The following ARID4B variants were observed in gnomAD, a reference collection of about 807,000 sequenced individuals.
The protein encoded by ARID4B is AT-rich interactive domain-containing protein 4B.
Under a neutral mutation model 147.5 loss-of-function variants are expected in ARID4B, and 26 were observed. That is an observed-to-expected ratio of 0.18 (90% CI 0.13 to 0.24). The LOEUF is 0.24. Ranked by LOEUF, ARID4B falls within the 10% of genes least tolerant of loss-of-function variation. The pLI, the probability that ARID4B is intolerant of heterozygous loss-of-function variation, is 1.00. For synonymous variants in ARID4B, 512 were observed against 507.9 expected (o/e 1.01, Z -0.11); for missense variants, 1,179 against 1,511.5 (o/e 0.78, Z 3.65).
At chr1:235,217,532 T>C (rs1029569054) in intron 16 of ARID4B, among the ~76,000 whole-genome samples, 3 of 152,178 alleles carry the variant, frequency 2.0e-5, no homozygotes, top group Admixed American at 6.5e-5. Context: ...TCAGCAAGGA[T>C]TTTCATCTGA....
chr1:235,325,365 T>G (rs1043222247), intron 2 of ARID4B, among the ~76,000 whole-genome samples: 2 of 142,122 alleles, frequency 1.4e-5, no homozygotes, highest in African/African-American at 5.2e-5. Context: ...ACAGACTACT[T>G]AAAAAAAAAA....
Position 235,213,927 on chromosome 1 carries a change from A to G in ARID4B, c.1683T>C (p.Asn561=). 6.2e-7 allele frequency: 1 copy of G among 1,613,184 alleles called. No homozygotes were observed. The change falls in exon 17 of 24, where the codon AAT becomes AAC. Residue 561 remains asparagine, a synonymous_variant. Transcript: ENST00000264183. ...GATAGCACTCAAACTCCTCTTCCTC[A>G]TTGTTGTCATCATCATCTTCATCCT... ...EEEDEDDDDN[N]EEEEFECYPP...
intron 7 of ARID4B, among the ~76,000 whole-genome samples, chr1:235,242,180 G>A (rs1225295472): frequency 7.2e-5 from 11 of 151,854 alleles, no homozygotes; most frequent in South Asian, 6.2e-4. Context: ...CCCGGGAGGC[G>A]GAGGTTGCAG....
chr1:235,246,651 A>T, intron 6 of ARID4B, 140 bp from the exon 7 acceptor site: 1 of 585,276 alleles, frequency 1.7e-6, no homozygotes, highest in East Asian at 2.8e-5. Flanking sequence ...CAGCTTTCCT[A>T]AAGATAGAAA....
At chr1:235,226,246 T>C (rs1274380780) in intron 11 of ARID4B, among the ~76,000 whole-genome samples, 1 of 152,208 alleles carries the variant, frequency 6.6e-6, no homozygotes, top group Non-Finnish European at 1.5e-5. Context: ...TAAGTATGAA[T>C]ACGAGTAAGA....
intron 2 of ARID4B, among the ~76,000 whole-genome samples, chr1:235,282,349 G>C (rs1341950229): frequency 1.3e-5 from 2 of 152,164 alleles, no homozygotes; most frequent in Non-Finnish European, 2.9e-5. Flanking sequence ...AGTAATATTT[G>C]CTGCTCAAGG....
intron 2 of ARID4B, among the ~76,000 whole-genome samples, chr1:235,281,360 G>A (rs537233047): frequency 3.2e-4 from 49 of 152,312 alleles, no homozygotes; most frequent in African/African-American, 1.1e-3. Context: ...AGACTAGCCT[G>A]GCCAACGTGG....
intron 19 of ARID4B, among the ~76,000 whole-genome samples, chr1:235,189,523 A>G (rs2102945981): frequency 6.6e-6 from 1 of 152,224 alleles, no homozygotes; most frequent in African/African-American, 2.4e-5. Context: ...AAAATTAATA[A>G]AAAGCAAGAA....
chr1:235,266,213 T>C (rs1297230118), intron 2 of ARID4B, among the ~76,000 whole-genome samples: 1 of 152,182 alleles, frequency 6.6e-6, no homozygotes, highest in Non-Finnish European at 1.5e-5. Flanking sequence ...TTGAGGTTAA[T>C]TTACTTTGGT....
At chr1:235,315,816 T>C (rs1292580152) in intron 2 of ARID4B, among the ~76,000 whole-genome samples, 6 of 152,136 alleles carry the variant, frequency 3.9e-5, no homozygotes, top group Non-Finnish European at 8.8e-5. Flanking sequence ...GATAACCCGA[T>C]TAGAGTAAAT....
chr1:235,296,570 G>A (rs971169121), intron 2 of ARID4B, among the ~76,000 whole-genome samples: 3 of 151,486 alleles, frequency 2.0e-5, no homozygotes, highest in Admixed American at 6.6e-5. Flanking sequence ...CTCCAGGCTC[G>A]GGTGATCTTC....
At chr1:235,326,460 T>G (rs1177214649) in intron 2 of ARID4B, among the ~76,000 whole-genome samples, 5 of 152,198 alleles carry the variant, frequency 3.3e-5, no homozygotes, top group Non-Finnish European at 7.3e-5. Flanking sequence ...AAATTCTCTT[T>G]TTAAATCTTT....
chr1:235,174,945 C>T (rs574241263), intron 22 of ARID4B, among the ~76,000 whole-genome samples: 1 of 151,854 alleles, frequency 6.6e-6, no homozygotes, highest in South Asian at 2.1e-4. Flanking sequence ...CTCTACTAAA[C>T]ACACAAAAAA....
intron 6 of ARID4B, among the ~76,000 whole-genome samples, chr1:235,248,008 T>C (rs565064561): frequency 3.9e-5 from 6 of 151,988 alleles, no homozygotes; most frequent in Non-Finnish European, 5.9e-5. Context: ...AAATAAAAAT[T>C]ATTTGGAGGC....
chr1:235,309,242 CCGCCCCA>C (rs1673829992), intron 2 of ARID4B, among the ~76,000 whole-genome samples: 1 of 128,150 alleles, frequency 7.8e-6, no homozygotes, highest in Non-Finnish European at 1.7e-5. Flanking sequence ...CACCTGGCAA[CCGCCCCA>C]TCTGAGAAGT....
chr1:235,229,494 CATTT>C (rs1668064319), intron 10 of ARID4B, 109 bp from the exon 11 acceptor site: 1 of 758,630 alleles, frequency 1.3e-6, no homozygotes, highest in Admixed American at 3.0e-5. Flanking sequence ...ATACCACTGA[CATTT>C]ATTGTTTGCT....
chr1:235,243,121 T>C (rs1193266453), intron 7 of ARID4B, among the ~76,000 whole-genome samples: 2 of 152,192 alleles, frequency 1.3e-5, no homozygotes, highest in Admixed American at 6.5e-5. Context: ...CTCAAGTACC[T>C]GAACAATGCT....
At chr1:235,259,130 TC>T (rs1186218697) in intron 3 of ARID4B, among the ~76,000 whole-genome samples, 1 of 152,196 alleles carries the variant, frequency 6.6e-6, no homozygotes, top group Non-Finnish European at 1.5e-5. Context: ...CTTTAGATAT[TC>T]ATTACTTATA....
intron 1 of ARID4B, chr1:235,327,179 T>C (rs1416220833): frequency 2.1e-6 from 1 of 475,904 alleles, no homozygotes; most frequent in East Asian, 3.6e-5. Flanking sequence ...CAGCTTCCCG[T>C]CCCCATTGTC....
Sources: gnomAD v4.1 joint callset for allele counts (sites outside exome capture counted in the v4.1 genomes callset) on GRCh38, gnomAD v4.1.1 for gene constraint, MANE v1.5 for transcripts, NCBI Gene and HGNC (gene_info 2026-07-23, HGNC 2026-07-21) for gene names.